Variants in KAZN observed in about 807,000 individuals in gnomAD.
KAZN encodes kazrin.
In KAZN, 40 loss-of-function variants were observed where a neutral mutation model predicts 87.4. That is an observed-to-expected ratio of 0.46 (90% confidence interval 0.36 to 0.60). KAZN has a LOEUF of 0.60. Ranked by LOEUF, KAZN falls within the 20% of genes least tolerant of loss-of-function variation. The probability of loss-of-function intolerance (pLI) is 0.00; values close to 1 mark genes in which losing one functional copy is unlikely to be tolerated. For missense variants in KAZN, 898 were observed against 1,073.9 expected (o/e 0.84, Z 2.29); for synonymous variants, 466 against 458.3 (o/e 1.02, Z -0.22).
chr1:14,838,535 A>C lies in KAZN; in HGVS notation c.227-122149A>C, dbSNP rs566313466. ...ATCTCCTTCTGTTCAGCTTCACAAA[A>C]CCATGCTCAATTAGGTTCCAAGGTG... is the stretch of plus-strand genomic sequence containing the variant. On this transcript the variant is annotated intron_variant, in intron 1 of 14. Coordinates refer to ENST00000376030, the MANE Select transcript of KAZN (RefSeq NM_201628.3). Among the ~76,000 whole-genome samples, 232 of 152,198 alleles carry C rather than the reference A, an allele frequency of 1.5e-3. 1 individual carries two copies. The highest frequency in any genetic ancestry group is 5.2e-3 in the African/African-American group (215 of 41,524).
At chr1:14,469,775 T>G (rs552971412) in intron 2 of KAZN, among the ~76,000 whole-genome samples, 1 of 152,288 alleles carries the variant, frequency 6.6e-6, no homozygotes, top group South Asian at 2.1e-4. Flanking sequence ...TAATGATGGG[T>G]TGTTCAACAA....
intron 1 of KAZN, among the ~76,000 whole-genome samples, chr1:13,907,786 G>A (rs564236133): frequency 2.0e-5 from 3 of 151,046 alleles, no homozygotes; most frequent in Non-Finnish European, 4.4e-5. Flanking sequence ...GTCTCCCCAT[G>A]AGACATTTTT....
At chr1:14,276,096 C>T (rs1291821820) in intron 2 of KAZN, among the ~76,000 whole-genome samples, 1 of 152,032 alleles carries the variant, frequency 6.6e-6, no homozygotes, top group Non-Finnish European at 1.5e-5. Context: ...GTCATTGCTG[C>T]TAACGAGCTC....
At chr1:13,900,943 T>C (rs577971545) in intron 1 of KAZN, among the ~76,000 whole-genome samples, 2 of 152,210 alleles carry the variant, frequency 1.3e-5, no homozygotes, top group South Asian at 4.1e-4. Context: ...TTTTGTTTAA[T>C]GAGAGGAAGT....
chr1:14,064,357 C>T lies in KAZN; in HGVS notation c.92-116078C>T, dbSNP rs74057008. On this transcript the variant is annotated intron_variant, in intron 1 of 16. Transcript: ENST00000636203. ...CATTTTGATTGGAAAACTGAAGTAC[C>T]GTCACCAGAAAAGGCACGGTCAACC... is the stretch of plus-strand genomic sequence containing the variant. 4.9e-3 allele frequency among the ~76,000 whole-genome samples: 741 copies of T among 151,982 alleles called. 4 individuals are homozygous for T. The highest frequency in any genetic ancestry group is 0.017 in the African/African-American group (704 of 41,404).
At chr1:14,437,122 A>G (rs1035844967) in intron 2 of KAZN, among the ~76,000 whole-genome samples, 1 of 152,188 alleles carries the variant, frequency 6.6e-6, no homozygotes, top group Non-Finnish European at 1.5e-5. Context: ...GATGTGTCCC[A>G]GTTAGATCCT....
intron 1 of KAZN, among the ~76,000 whole-genome samples, chr1:14,026,825 C>T (rs1180550003): frequency 6.6e-6 from 1 of 152,158 alleles, no homozygotes; most frequent in Non-Finnish European, 1.5e-5. Flanking sequence ...TGAAGGAATT[C>T]ATGGTGAAAT....
At chr1:14,734,314 T>C (rs1403040899) in intron 1 of KAZN, among the ~76,000 whole-genome samples, 4 of 149,456 alleles carry the variant, frequency 2.7e-5, no homozygotes, top group East Asian at 1.9e-4. Flanking sequence ...TTTTCTTTTT[T>C]TTTTTTTTTT....
intron 2 of KAZN, among the ~76,000 whole-genome samples, chr1:14,413,890 T>C (rs542505902): frequency 5.3e-5 from 8 of 152,264 alleles, no homozygotes; most frequent in African/African-American, 1.7e-4. Flanking sequence ...AGGGTATACA[T>C]TGAAAGGTCA....
intron 1 of KAZN, among the ~76,000 whole-genome samples, chr1:13,956,054 G>A (rs1386303103): frequency 2.0e-5 from 3 of 152,228 alleles, no homozygotes; most frequent in Non-Finnish European, 4.4e-5. Context: ...GCTGCTGGAT[G>A]AATGAGTGAT....
At chr1:14,544,309 T>C (rs1672988844) in intron 2 of KAZN, among the ~76,000 whole-genome samples, 1 of 150,644 alleles carries the variant, frequency 6.6e-6, no homozygotes, top group Non-Finnish European at 1.5e-5. Context: ...ATTACCACTT[T>C]GAGATTTGGG....
At chr1:14,896,195 C>T (rs1056802376) in intron 1 of KAZN, among the ~76,000 whole-genome samples, 2 of 152,074 alleles carry the variant, frequency 1.3e-5, no homozygotes, top group Non-Finnish European at 2.9e-5. Context: ...GCTGGGACTA[C>T]AGGCACACAC....
At chr1:14,573,725 A>T (rs1204889376) in intron 2 of KAZN, among the ~76,000 whole-genome samples, 1 of 152,170 alleles carries the variant, frequency 6.6e-6, no homozygotes, top group Non-Finnish European at 1.5e-5. Flanking sequence ...AAAGAAACAA[A>T]GCTAAAATAT....
intron 1 of KAZN, among the ~76,000 whole-genome samples, chr1:14,846,610 A>AG (rs1648799110): frequency 6.6e-6 from 1 of 152,216 alleles, no homozygotes; most frequent in African/African-American, 2.4e-5. Context: ...CAGGCCTGCC[A>AG]TGTACACAGT....
chr1:14,861,784 C>G (rs1650882434), intron 1 of KAZN, among the ~76,000 whole-genome samples: 1 of 152,204 alleles, frequency 6.6e-6, no homozygotes, highest in Non-Finnish European at 1.5e-5. Context: ...CCAAGAGATG[C>G]ATGCATACCC....
At chr1:14,247,880 T>TG (rs1649660336) in intron 2 of KAZN, among the ~76,000 whole-genome samples, 1 of 152,208 alleles carries the variant, frequency 6.6e-6, no homozygotes, top group Non-Finnish European at 1.5e-5. Context: ...GCCAAACATC[T>TG]GGCTCATGTG....
chr1:14,721,258 T>C (rs1420552500), intron 1 of KAZN, among the ~76,000 whole-genome samples: 1 of 152,196 alleles, frequency 6.6e-6, no homozygotes, highest in Non-Finnish European at 1.5e-5. Flanking sequence ...ATTCTCGTGC[T>C]TGTGAGTGAG....
chr1:14,462,717 G>T (rs1667920021), intron 2 of KAZN, among the ~76,000 whole-genome samples: 1 of 152,174 alleles, frequency 6.6e-6, no homozygotes, highest in Non-Finnish European at 1.5e-5. Flanking sequence ...CCTGGATGGT[G>T]GAAGGCAAAG....
intron 1 of KAZN, among the ~76,000 whole-genome samples, chr1:14,016,132 A>G (rs1640560167): frequency 6.6e-6 from 1 of 152,140 alleles, no homozygotes; most frequent in African/African-American, 2.4e-5. Flanking sequence ...GGTTCTGCAC[A>G]TCTCAGGGTG....
Sources: gnomAD v4.1 joint callset for allele counts (sites outside exome capture counted in the v4.1 genomes callset) on GRCh38, gnomAD v4.1.1 for gene constraint, MANE v1.5 for transcripts, NCBI Gene and HGNC (gene_info 2026-07-23, HGNC 2026-07-21) for gene names.